Variants in SLC13A1 observed in about 807,000 individuals in gnomAD.
SLC13A1 encodes the protein solute carrier family 13 member 1, also known as Na(+)/sulfate cotransporter.
Under a neutral mutation model 70.0 loss-of-function variants are expected in SLC13A1, and 65 were observed. The observed-to-expected ratio is 0.93, with a 90% CI of 0.76 to 1.14. The LOEUF is 1.14. Among genes scored for constraint, SLC13A1 ranks in the 50% most tolerant of loss-of-function variants. The pLI, the probability that SLC13A1 is intolerant of heterozygous loss-of-function variation, is 0.00. For missense variants in SLC13A1, 726 were observed against 717.8 expected, an observed-to-expected ratio of 1.01 and a Z score of -0.13; for synonymous variants, 275 against 250.5, an observed-to-expected ratio of 1.10 and a Z score of -0.92.
intron 7 of SLC13A1, 88 bp from the exon 8 acceptor site, chr7:123,134,617 T>C: frequency 7.9e-7 from 1 of 1,271,986 alleles, no homozygotes. Context: ...GTCCACCTCT[T>C]TCCTGTGTTT....
chr7:123,131,751 G>T (rs2896325), intron 8 of SLC13A1, among the ~76,000 whole-genome samples: 2 of 143,680 alleles, frequency 1.4e-5, no homozygotes, highest in African/African-American at 6.0e-5. Flanking sequence ...ATGAATCTGT[G>T]CAGTGTTTAA....
At chr7:123,137,430 G>A (rs187872088) in intron 7 of SLC13A1, among the ~76,000 whole-genome samples, 54 of 152,292 alleles carry the variant, frequency 3.5e-4, no homozygotes, top group Non-Finnish European at 4.1e-4. Context: ...ACTATCCCGG[G>A]TAGGCCTAAC....
At chr7:123,189,204 T>C (rs1401079032) in intron 1 of SLC13A1, among the ~76,000 whole-genome samples, 1 of 151,732 alleles carries the variant, frequency 6.6e-6, no homozygotes, top group African/African-American at 2.4e-5. Context: ...GTGTAGAGCT[T>C]TAATATTTTT....
chr7:123,161,263 G>A (rs1226064366), intron 6 of SLC13A1, among the ~76,000 whole-genome samples: 3 of 150,300 alleles, frequency 2.0e-5, no homozygotes, highest in Admixed American at 2.0e-4. Flanking sequence ...TTATTTAAAT[G>A]AAATAAAGAT....
intron 5 of SLC13A1, 26 bp from the exon 6 acceptor site, chr7:123,168,448 A>G: frequency 6.3e-7 from 1 of 1,586,532 alleles, no homozygotes; most frequent in Non-Finnish European, 8.6e-7. Context: ...ATCCAGTTAT[A>G]ATTTTATTAA....
intron 1 of SLC13A1, chr7:123,190,491 G>T (rs1055007076): frequency 1.8e-5 from 8 of 452,540 alleles, no homozygotes; most frequent in African/African-American, 1.6e-4. Flanking sequence ...AAGGGGGAAG[G>T]GTCCTTTAAA....
At chr7:123,118,828 C>T (rs758686829) in intron 13 of SLC13A1, among the ~76,000 whole-genome samples, 15 of 151,930 alleles carry the variant, frequency 9.9e-5, no homozygotes, top group Non-Finnish European at 1.9e-4. Context: ...TTATTTATAA[C>T]GAAAAAAGCT....
At chr7:123,199,402 C>T (rs1236423023) in intron 1 of SLC13A1, among the ~76,000 whole-genome samples, 1 of 152,052 alleles carries the variant, frequency 6.6e-6, no homozygotes, top group Admixed American at 6.6e-5. Flanking sequence ...TGTGACAAAG[C>T]CACAGAGCTG....
intron 1 of SLC13A1, among the ~76,000 whole-genome samples, chr7:123,191,939 C>T (rs1796010535): frequency 6.6e-6 from 1 of 152,150 alleles, no homozygotes; most frequent in Non-Finnish European, 1.5e-5. Flanking sequence ...GTTCTTCTTT[C>T]TGTTCTTTCT....
At chr7:123,154,278 T>C (rs928485213) in intron 6 of SLC13A1, among the ~76,000 whole-genome samples, 1 of 152,156 alleles carries the variant, frequency 6.6e-6, no homozygotes, top group African/African-American at 2.4e-5. Flanking sequence ...TGTGTTTTTA[T>C]TCAATCCCTT....
chr7:123,151,366 A>ATGTG (rs558304741), intron 6 of SLC13A1, among the ~76,000 whole-genome samples: 5,640 of 145,564 alleles, frequency 0.039, 134 homozygotes, highest in Middle Eastern at 0.081. Context: ...ATTTGAATAT[A>ATGTG]TGTGTGTGTG....
chr7:123,179,365 C>T (rs974146657), intron 2 of SLC13A1, among the ~76,000 whole-genome samples: 1 of 152,122 alleles, frequency 6.6e-6, no homozygotes, highest in Non-Finnish European at 1.5e-5. Context: ...TAAACACCTT[C>T]TGAATGATTT....
At chr7:123,131,808 GA>G (rs1317090522) in intron 8 of SLC13A1, among the ~76,000 whole-genome samples, 1 of 152,134 alleles carries the variant, frequency 6.6e-6, no homozygotes, top group Non-Finnish European at 1.5e-5. Flanking sequence ...CACTCATCAT[GA>G]TTTACAGACT....
At chr7:123,199,112 G>A (rs565010975) in intron 1 of SLC13A1, among the ~76,000 whole-genome samples, 126 of 152,100 alleles carry the variant, frequency 8.3e-4, no homozygotes, top group African/African-American at 2.5e-3. Flanking sequence ...ACCAAGTGAC[G>A]TTTGTGCCTG....
At chr7:123,171,241 T>C (rs1795261456) in intron 3 of SLC13A1, among the ~76,000 whole-genome samples, 1 of 152,232 alleles carries the variant, frequency 6.6e-6, no homozygotes, top group African/African-American at 2.4e-5. Flanking sequence ...TCATACTCTG[T>C]AGATGAAATG....
chr7:123,158,556 A>G (rs985435957), intron 6 of SLC13A1, among the ~76,000 whole-genome samples: 4 of 151,986 alleles, frequency 2.6e-5, no homozygotes, highest in Admixed American at 2.6e-4. Flanking sequence ...GAGAAATAAC[A>G]CCTGATAATT....
At chr7:123,189,330 T>G in intron 1 of SLC13A1, among the ~76,000 whole-genome samples, 1 of 152,076 alleles carries the variant, frequency 6.6e-6, no homozygotes, top group South Asian at 2.1e-4. Context: ...TTTTCTATGC[T>G]GAAGTTCTCA....
At chr7:123,149,611 C>T (rs1330805706) in intron 6 of SLC13A1, 2 of 456,500 alleles carry the variant, frequency 4.4e-6, no homozygotes, top group South Asian at 1.5e-5. Flanking sequence ...GGTCACCTCA[C>T]TTGCAAGTAC....
In SLC13A1 at chr7:123,169,400, C is replaced by T. The variant is rs950218816; in HGVS notation, c.366-65G>A. On this transcript the variant is annotated intron_variant, in intron 3 of 14. Coordinates refer to ENST00000194130, the MANE Select transcript of SLC13A1 (RefSeq NM_022444.4). ...GCTTAACTAGCACCGTATTATTTAA[C>T]TGGAAGATGTTTAAGATGTGTTTTG... The T allele has an allele frequency of 2.8e-6, 4 of 1,422,290 alleles. No individual in the cohort carries two copies. In the South Asian group the frequency reaches 3.6e-5, roughly 13 times the overall value. The allele number at this position is 1,422,290 out of a possible 1,614,324, so 88.1% of individuals were successfully genotyped here. A position where few individuals can be genotyped will look rare whatever the true frequency, so the allele number is the denominator to read the frequency against.
Sources: allele counts gnomAD v4.1 joint callset (sites outside exome capture counted in the v4.1 genomes callset), GRCh38; gene constraint gnomAD v4.1.1; transcripts MANE v1.5; gene names NCBI Gene and HGNC (gene_info 2026-07-23, HGNC 2026-07-21).